ZNF701: variants seen among roughly 807,000 people sequenced by gnomAD.
ZNF701 encodes zinc finger protein 701.
In ZNF701, 6 loss-of-function variants were observed where a neutral mutation model predicts 7.1. That is an observed-to-expected ratio of 0.84 (90% CI 0.46 to 1.66). ZNF701 has a LOEUF of 1.66. Ranked by LOEUF, ZNF701 falls within the 40% of genes most tolerant of loss-of-function variation. The pLI is 0.01. For missense variants in ZNF701, 541 were observed against 559.2 expected (o/e 0.97, Z 0.33); for synonymous variants, 166 against 188.2 (o/e 0.88, Z 0.97).
intron 2 of ZNF701, among the ~76,000 whole-genome samples, chr19:52,575,317 C>T (rs577899756): frequency 8.6e-5 from 12 of 138,880 alleles, no homozygotes; most frequent in African/African-American, 2.8e-4. Flanking sequence ...CAACCCCATA[C>T]ATATACACAC....
downstream of ZNF701, among the ~76,000 whole-genome samples, chr19:52,591,480 CAT>C (rs535283663): frequency 6.6e-6 from 1 of 151,650 alleles, no homozygotes; most frequent in Admixed American, 6.6e-5. Context: ...AATGCCCGGC[CAT>C]ATATATATAT....
the ZNF701 span, chr19:52,597,030 T>C: frequency 1.6e-6 from 2 of 1,236,154 alleles, no homozygotes; most frequent in East Asian, 5.4e-5. Context: ...TCACAAAGTC[T>C]TCAGTAATGC....
chr19:52,574,018 T>C, intron 1 of ZNF701, 59 bp from the exon 2 acceptor site: 1 of 1,545,206 alleles, frequency 6.5e-7, no homozygotes, highest in Non-Finnish European at 8.9e-7. Context: ...TGTGTCATTG[T>C]GTTACAGGCA....
Position 52,583,860 on chromosome 19 carries a change from G to A in ZNF701, c.*403G>A. 2 of 503,358 alleles carry A rather than the reference G, an allele frequency of 4.0e-6. No individual in the cohort carries two copies. The highest frequency in any genetic ancestry group is 7.6e-6 in the Non-Finnish European group (2 of 261,918). 31.2% of individuals were successfully genotyped at this position (503,358 alleles called of 1,614,324 possible). On this transcript the variant is annotated 3_prime_UTR_variant, in exon 4 of 4. Coordinates refer to ENST00000391785, the MANE Select transcript of ZNF701 (RefSeq NM_018260.3). ...TGCAAAACATTGGAGAATCCATAAT[G>A]AAGGAGGTCTTACAAGTGTAATAAA...
chr19:52,575,500 A>C (rs995400418), intron 2 of ZNF701, among the ~76,000 whole-genome samples: 12 of 151,462 alleles, frequency 7.9e-5, no homozygotes, highest in African/African-American at 2.4e-4. Context: ...TTTTATTTTC[A>C]TGTATTTTAT....
At chr19:52,578,409 T>C (rs1014325665) in intron 3 of ZNF701, among the ~76,000 whole-genome samples, 1 of 152,242 alleles carries the variant, frequency 6.6e-6, no homozygotes, top group Non-Finnish European at 1.5e-5. Context: ...AGATTCACCC[T>C]CCTTACCCTG....
In ZNF701 at chr19:52,583,501, A is replaced by G. The variant is rs1280265709; in HGVS notation, c.*44A>G. On this transcript the variant is annotated 3_prime_UTR_variant, in exon 4 of 4. Coordinates refer to ENST00000391785, the MANE Select transcript of ZNF701 (RefSeq NM_018260.3). ...TTTTTAGGCAACAGTCAAACCTTGCATGTCATCATAGACTTTATACTGGAG... is the reference window on the plus strand; with the variant it reads ...TTTTTAGGCAACAGTCAAACCTTGCGTGTCATCATAGACTTTATACTGGAG... 2 of 1,608,006 alleles carry G rather than the reference A, an allele frequency of 1.2e-6. No homozygotes were observed. Among genetic ancestry groups the G allele is most frequent in the Admixed American group, 1.7e-5 (1 of 59,516 alleles).
chr19:52,589,894 A>C, downstream of ZNF701, among the ~76,000 whole-genome samples: 1 of 151,664 alleles, frequency 6.6e-6, no homozygotes, highest in East Asian at 1.9e-4. Flanking sequence ...CCTGGGTTTA[A>C]GTGATTCTCT....
chr19:52,591,971 A>G (rs1020701763), downstream of ZNF701: 29 of 492,084 alleles, frequency 5.9e-5, no homozygotes, highest in African/African-American at 5.4e-4. Context: ...CTGTTCAAAA[A>G]TACCTTAATG....
At chr19:52,592,177 GC>G in the ZNF701 span, 1 of 1,556,140 alleles carries the variant, frequency 6.4e-7, no homozygotes, top group South Asian at 1.1e-5. Flanking sequence ...TGCACAGAGG[GC>G]TTTATACAGG....
At chr19:52,574,017 G>A in intron 1 of ZNF701, 60 bp from the exon 2 acceptor site, 2 of 1,542,388 alleles carry the variant, frequency 1.3e-6, no homozygotes, top group South Asian at 2.3e-5. Context: ...ATGTGTCATT[G>A]TGTTACAGGC....
rs1018336860 is a variant in ZNF701 at position 52,583,226 on chromosome 19, G to A, written c.1167G>A (p.Lys389=). ...EKPYKCNECG[K]TFVQNSSLVM... is the part of the protein sequence containing the mutation. ...CTTACAAGTGTAATGAGTGTGGCAA[G>A]ACCTTTGTTCAAAATTCATCTCTTG... Residue 389 remains lysine (K), a synonymous_variant, in exon 4 of 4, where the codon AAG becomes AAA. Transcript: ENST00000391785. 5 of 1,610,030 alleles carry A rather than the reference G, an allele frequency of 3.1e-6. No individual in the cohort carries two copies. In the Admixed American group the frequency reaches 8.4e-5, roughly 27 times the overall value.
At chr19:52,591,466 C>T (rs1201892061), downstream of ZNF701, among the ~76,000 whole-genome samples, 3 of 152,110 alleles carry the variant, frequency 2.0e-5, no homozygotes, top group African/African-American at 7.2e-5. Context: ...CAGGTGTGAG[C>T]CCCAATGCCC....
the ZNF701 span, chr19:52,592,226 T>C: frequency 1.9e-6 from 3 of 1,577,002 alleles, no homozygotes; most frequent in South Asian, 3.3e-5. Context: ...CTGGAGTTTG[T>C]GGGTGAGGAA....
downstream of ZNF701, among the ~76,000 whole-genome samples, chr19:52,589,681 T>C (rs2060029131): frequency 1.3e-5 from 2 of 152,202 alleles, no homozygotes; most frequent in African/African-American, 2.4e-5. Flanking sequence ...TGTTTCACCA[T>C]GATGGCCATA....
At chr19:52,571,530 T>G (rs1568499319) in intron 1 of ZNF701, among the ~76,000 whole-genome samples, 1 of 152,088 alleles carries the variant, frequency 6.6e-6, no homozygotes, top group Non-Finnish European at 1.5e-5. Context: ...CAGGTAATTT[T>G]TGTATTTTTA....
chr19:52,597,524 T>C, the ZNF701 span: 9 of 372,086 alleles, frequency 2.4e-5, no homozygotes, highest in South Asian at 1.9e-4. Flanking sequence ...AGTTTAAGAA[T>C]TAATTTACAT....
chr19:52,599,034 G>C, the ZNF701 span: 1 of 149,984 alleles, frequency 6.7e-6, no homozygotes, highest in Admixed American at 6.6e-5. Flanking sequence ...TGTCTTCTGA[G>C]GTTTTTTTTT....
chr19:52,596,087 C>A, the ZNF701 span: 1 of 1,144,616 alleles, frequency 8.7e-7, no homozygotes, highest in South Asian at 1.3e-5. Flanking sequence ...CACACAAATA[C>A]AAGAAGTACA....
Sources: gnomAD v4.1 joint callset for allele counts (sites outside exome capture counted in the v4.1 genomes callset) on GRCh38, gnomAD v4.1.1 for gene constraint, MANE v1.5 for transcripts, NCBI Gene and HGNC (gene_info 2026-07-23, HGNC 2026-07-21) for gene names.